ABHD13: variants seen among roughly 807,000 people sequenced by gnomAD.
The protein encoded by ABHD13 is protein ABHD13.
In ABHD13, 7 loss-of-function variants were observed where a neutral mutation model predicts 25.2. The observed-to-expected ratio is 0.28, with a 90% CI of 0.16 to 0.52. The LOEUF is 0.52. Among genes scored for constraint, ABHD13 ranks in the 20% least tolerant of loss-of-function variants. The probability of loss-of-function intolerance (pLI) is 0.96; values close to 1 mark genes in which losing one functional copy is unlikely to be tolerated. For synonymous variants in ABHD13, 133 were observed against 136.1 expected (o/e 0.98, Z 0.16); for missense variants, 302 against 402.7 (o/e 0.75, Z 2.14).
intron 1 of ABHD13, among the ~76,000 whole-genome samples, chr13:108,223,689 G>A (rs1177271259): frequency 6.6e-6 from 1 of 152,162 alleles, no homozygotes; most frequent in East Asian, 1.9e-4. Context: ...AGTGAAAAAA[G>A]TAAATGATAT....
At chr13:108,221,955 A>G (rs957171212) in intron 1 of ABHD13, among the ~76,000 whole-genome samples, 1 of 151,868 alleles carries the variant, frequency 6.6e-6, no homozygotes, top group African/African-American at 2.4e-5. Flanking sequence ...CTCATGCCTC[A>G]GTCTCCCTAG....
At chr13:108,219,613 C>T (rs989694308) in intron 1 of ABHD13, among the ~76,000 whole-genome samples, 1 of 152,210 alleles carries the variant, frequency 6.6e-6, no homozygotes, top group Non-Finnish European at 1.5e-5. Flanking sequence ...ATCAGCTGCT[C>T]AATTAAATAA....
rs1489477987 is a variant in ABHD13, at chr13:108,233,059, A to G, written c.*2827A>G. 1.2e-5 allele frequency: 2 copies of G among 166,854 alleles called. No individual in the cohort carries two copies. The highest frequency in any genetic ancestry group is 2.4e-5 in the African/African-American group (1 of 41,440). The allele number at this position is 166,854 out of a possible 1,614,324, so 10.3% of individuals were successfully genotyped here. On this transcript the variant is annotated 3_prime_UTR_variant, in exon 2 of 2. Transcript: ENST00000375898. ...CCATTGCAACAACCCTGTTTTTGCA[A>G]TTAGGTTTTTGACTGTTAAAATGGA...
At chr13:108,222,179 G>GA (rs1486091585) in intron 1 of ABHD13, among the ~76,000 whole-genome samples, 1 of 151,940 alleles carries the variant, frequency 6.6e-6, no homozygotes, top group Non-Finnish European at 1.5e-5. Context: ...AGAATAACTA[G>GA]AATTTAATTT....
Position 108,229,988 on chromosome 13 carries a change from G to C in ABHD13, c.770G>C (p.Arg257Thr). ...TCCTACAGAAAAATCTCTCAGTGTA[G>C]AATGCCTTCACTTTTCATCTCTGGA... is the stretch of plus-strand genomic sequence containing the variant. ...FLSYRKISQC[R>T]MPSLFISGLS... is the part of the protein sequence containing the mutation. The change falls in exon 2 of 2, where the codon AGA (arginine) becomes ACA (threonine). Residue 257 changes from arginine (R) to threonine (T), a missense_variant. Transcript: ENST00000375898. This position sits in a 1 kb window ranked among gnomAD's most constrained non-coding sequence, Gnocchi z 4.7. 1 of 1,613,196 alleles carries C rather than the reference G, an allele frequency of 6.2e-7. No homozygotes were observed. Among genetic ancestry groups the C allele is most frequent in the South Asian group, 1.1e-5 (1 of 91,064 alleles).
chr13:108,219,613 C>G (rs989694308), intron 1 of ABHD13, among the ~76,000 whole-genome samples: 2 of 152,210 alleles, frequency 1.3e-5, no homozygotes, highest in Non-Finnish European at 2.9e-5. Context: ...ATCAGCTGCT[C>G]AATTAAATAA....
chr13:108,228,813 A>T (rs970248079), intron 1 of ABHD13, among the ~76,000 whole-genome samples: 4 of 151,884 alleles, frequency 2.6e-5, no homozygotes, highest in African/African-American at 9.7e-5. Flanking sequence ...CAGCTCTTCT[A>T]CATTGAGAAG....
Position 108,229,164 on chromosome 13 carries a change from G to C in ABHD13, c.-20-35G>C, listed in dbSNP as rs1422579510. The stretch of plus-strand genomic sequence containing the variant: ...TGGATTTTTAAAAGAATAGATAGAC[G>C]TTGAATTATTGATATTCTCCCTCTC... On this transcript the variant is annotated intron_variant, in intron 1 of 1. Transcript: ENST00000375898. The surrounding 1 kb of genome is among the most constrained non-coding windows in gnomAD (Gnocchi z 4.7). 9 of 1,434,238 alleles carry C rather than the reference G, an allele frequency of 6.3e-6. No homozygotes were observed. The Admixed American group carries it at 1.9e-4, about 31-fold the overall frequency. The allele number at this position is 1,434,238 out of a possible 1,614,324, so 88.8% of individuals were successfully genotyped here. A position where few individuals can be genotyped will look rare whatever the true frequency, so the allele number is the denominator to read the frequency against.
In ABHD13 at chr13:108,230,152, G is replaced by GA; in HGVS notation, c.936dup (p.Gln313ThrfsTer13). 1 of 1,612,738 alleles carries GA rather than the reference G, an allele frequency of 6.2e-7. No individual in the cohort carries two copies. The highest frequency in any genetic ancestry group is 8.5e-7 in the Non-Finnish European group (1 of 1,179,184). On this transcript the variant is annotated frameshift_variant, in exon 2 of 2. Transcript: ENST00000375898. LOFTEE classifies it high-confidence loss of function. ...GTGCCAAGGCTATTTCACTGCACTT[G>GA]AACAGTTCATCAAAGAAGTCGTAAA...
Position 108,232,353 on chromosome 13 carries a change from G to T in ABHD13, c.*2121G>T, listed in dbSNP as rs747407188. ...ACCTTCATTCTCTTAGGGTTAAGGAGCCTTTCTTTCTGCAGCTAAGGGCAG... is the reference window on the plus strand; with the variant it reads ...ACCTTCATTCTCTTAGGGTTAAGGATCCTTTCTTTCTGCAGCTAAGGGCAG... On this transcript the variant is annotated 3_prime_UTR_variant, in exon 2 of 2. Transcript: ENST00000375898. 6.0e-6 allele frequency: 1 copy of T among 166,866 alleles called. No homozygotes were observed. The highest frequency in any genetic ancestry group is 2.4e-5 in the African/African-American group (1 of 41,414). 10.3% of individuals were successfully genotyped at this position (166,866 alleles called of 1,614,324 possible).
intron 1 of ABHD13, among the ~76,000 whole-genome samples, chr13:108,226,014 T>C (rs1468719861): frequency 6.6e-6 from 1 of 152,188 alleles, no homozygotes; most frequent in Non-Finnish European, 1.5e-5. Flanking sequence ...AGACACGTTT[T>C]ATAGGTGTTT....
chr13:108,226,731 T>C (rs1178520689), intron 1 of ABHD13, among the ~76,000 whole-genome samples: 2 of 152,180 alleles, frequency 1.3e-5, no homozygotes, highest in South Asian at 4.1e-4. Context: ...TCTCAGCAGA[T>C]GGTGCATGGT....
At chr13:108,223,576 G>A (rs948491597) in intron 1 of ABHD13, among the ~76,000 whole-genome samples, 1 of 152,178 alleles carries the variant, frequency 6.6e-6, no homozygotes, top group South Asian at 2.1e-4. Context: ...TGGTGATAAA[G>A]AATACAGTGA....
intron 1 of ABHD13, among the ~76,000 whole-genome samples, chr13:108,225,507 G>T (rs1050847928): frequency 2.0e-5 from 3 of 152,168 alleles, no homozygotes; most frequent in Non-Finnish European, 4.4e-5. Flanking sequence ...TGGGGGTCTG[G>T]TGTTGCAGTG....
At chr13:108,223,842 T>C (rs1879617471) in intron 1 of ABHD13, among the ~76,000 whole-genome samples, 1 of 152,206 alleles carries the variant, frequency 6.6e-6, no homozygotes, top group Non-Finnish European at 1.5e-5. Context: ...TCATCCAGTT[T>C]AACAGCTCTA....
chr13:108,222,950 T>G (rs1879598375), intron 1 of ABHD13, among the ~76,000 whole-genome samples: 1 of 152,218 alleles, frequency 6.6e-6, no homozygotes. Flanking sequence ...AAGAGTATTG[T>G]AGTAGAGAAT....
At chr13:108,228,973 G>A (rs1315892630) in intron 1 of ABHD13, among the ~76,000 whole-genome samples, 3 of 151,902 alleles carry the variant, frequency 2.0e-5, no homozygotes, top group Non-Finnish European at 2.9e-5. Context: ...TTAATTTGAA[G>A]AATATTAGTG....
Position 108,229,901 on chromosome 13 carries a change from C to G in ABHD13, c.683C>G (p.Thr228Ser). 2 of 1,613,324 alleles carry G rather than the reference C, an allele frequency of 1.2e-6. No homozygotes were observed. Among genetic ancestry groups the G allele is most frequent in the South Asian group, 1.1e-5 (1 of 91,068 alleles). Residue 228 changes from threonine to serine, a missense_variant, in exon 2 of 2, where the codon ACT becomes AGT. Physicochemically the swap from Thr to Ser is moderately conservative, Grantham distance 58. Coordinates refer to ENST00000375898, the MANE Select transcript of ABHD13 (RefSeq NM_032859.3). This position sits in a 1 kb window ranked among gnomAD's most constrained non-coding sequence, Gnocchi z 4.7. Reference protein sequence around the residue: ...TFLSIPHMASTLFSFFPMRYL... With the variant: ...TFLSIPHMASSLFSFFPMRYL... ...TTAAGCATACCACATATGGCCAGCA[C>G]TTTATTTTCATTCTTTCCGATGCGT...
intron 1 of ABHD13, among the ~76,000 whole-genome samples, chr13:108,219,260 A>G (rs1260108688): frequency 1.3e-5 from 2 of 152,172 alleles, no homozygotes; most frequent in Non-Finnish European, 2.9e-5. Flanking sequence ...ATCGAAGTCA[A>G]TTTTGCTGTA....
Sources: allele counts gnomAD v4.1 joint callset (sites outside exome capture counted in the v4.1 genomes callset), GRCh38; gene constraint gnomAD v4.1.1; non-coding constraint Gnocchi (gnomAD v3.1); transcripts MANE v1.5; gene names NCBI Gene and HGNC (gene_info 2026-07-23, HGNC 2026-07-21).